Variants in NOS1AP observed in about 807,000 individuals in gnomAD.
NOS1AP encodes nitric oxide synthase 1 adaptor protein.
Under a neutral mutation model 56.2 loss-of-function variants are expected in NOS1AP, and 21 were observed. The ratio of observed to expected loss-of-function variants is 0.37; its 90% confidence interval spans 0.26 to 0.54. The LOEUF is 0.54. NOS1AP is among the 20% of genes least tolerant of loss of function. The pLI, the probability that NOS1AP is intolerant of heterozygous loss-of-function variation, is 0.84. For synonymous variants in NOS1AP, 270 were observed against 274.6 expected (o/e 0.98, Z 0.17); for missense variants, 522 against 657.8 (o/e 0.79, Z 2.26).
intron 1 of NOS1AP, among the ~76,000 whole-genome samples, chr1:162,131,728 G>A (rs1648757156): frequency 6.6e-6 from 1 of 152,014 alleles, no homozygotes; most frequent in Admixed American, 6.5e-5. Flanking sequence ...AGTGTTATAA[G>A]GCGGCATTTT....
intron 1 of NOS1AP, among the ~76,000 whole-genome samples, chr1:162,138,625 G>T (rs114043050): frequency 0.012 from 1,761 of 152,226 alleles, 36 homozygotes; most frequent in African/African-American, 0.04. Flanking sequence ...TGTCTGCCTG[G>T]GGGCCATCCA....
At chr1:162,257,016 C>A (rs1422883155) in intron 2 of NOS1AP, among the ~76,000 whole-genome samples, 1 of 152,152 alleles carries the variant, frequency 6.6e-6, no homozygotes, top group Non-Finnish European at 1.5e-5. Context: ...TTGTTCAGGC[C>A]TTTCCCAAGA....
At chr1:162,355,961 A>C (rs574195739) in intron 7 of NOS1AP, among the ~76,000 whole-genome samples, 1 of 152,352 alleles carries the variant, frequency 6.6e-6, no homozygotes, top group Non-Finnish European at 1.5e-5. Context: ...ACCTGAAGCC[A>C]AAGCTAATTA....
At chr1:162,321,725 A>ATAT (rs1553205779) in intron 4 of NOS1AP, among the ~76,000 whole-genome samples, 1 of 128,318 alleles carries the variant, frequency 7.8e-6, no homozygotes, top group Non-Finnish European at 1.6e-5. Flanking sequence ...TAATTAAAAA[A>ATAT]AAAAAAATAT....
rs185451181 is a variant in NOS1AP, at chr1:162,322,691, C to G, written c.345-10326C>G. Among the ~76,000 whole-genome samples the G allele has an allele frequency of 2.0e-3, 302 of 152,260 alleles. 1 individual carries two copies. Among genetic ancestry groups the G allele is most frequent in the African/African-American group, 7.0e-3 (289 of 41,538 alleles). Reference sequence around the variant, plus strand: ...AATCCAGCACCTCTTACCCACGTGTCCCCTGAAAATCTTACCAACATGAGA... The same window carrying G: ...AATCCAGCACCTCTTACCCACGTGTGCCCTGAAAATCTTACCAACATGAGA... On this transcript the variant is annotated intron_variant, in intron 4 of 9. Coordinates refer to ENST00000361897, the MANE Select transcript of NOS1AP (RefSeq NM_014697.3).
At chr1:162,174,001 T>C (rs1327638923) in intron 2 of NOS1AP, among the ~76,000 whole-genome samples, 20 of 152,130 alleles carry the variant, frequency 1.3e-4, no homozygotes, top group African/African-American at 2.4e-4. Context: ...ATCAGTGTGG[T>C]GATTCCTCAG....
chr1:162,173,956 T>C (rs1304201748), intron 2 of NOS1AP, among the ~76,000 whole-genome samples: 1 of 152,210 alleles, frequency 6.6e-6, no homozygotes, highest in African/African-American at 2.4e-5. Context: ...TTTACACTGT[T>C]GGTGGGACTG....
intron 2 of NOS1AP, among the ~76,000 whole-genome samples, chr1:162,173,271 T>C (rs1406511478): frequency 6.6e-6 from 1 of 152,124 alleles, no homozygotes; most frequent in African/African-American, 2.4e-5. Flanking sequence ...GCTGGAAATA[T>C]AGGTGTGAGC....
intron 2 of NOS1AP, among the ~76,000 whole-genome samples, chr1:162,155,312 A>ATGTG: frequency 1.4e-5 from 2 of 146,078 alleles, no homozygotes; most frequent in African/African-American, 5.0e-5. Context: ...ATGTATGTGT[A>ATGTG]TATATATATG....
intron 2 of NOS1AP, among the ~76,000 whole-genome samples, chr1:162,193,838 G>C (rs1208845890): frequency 1.3e-5 from 2 of 152,156 alleles, no homozygotes; most frequent in East Asian, 1.9e-4. Flanking sequence ...AGGTTCTGCT[G>C]CTCTCTTTTC....
rs192029860 is a variant in NOS1AP at position 162,355,216 on chromosome 1, T to C, written c.625T>C (p.Ser209Pro). The change falls in exon 7 of 10, where the codon TCC becomes CCC. Residue 209 changes from serine to proline, a missense_variant. Ser to Pro is a moderately conservative substitution (Grantham distance 74, BLOSUM62 -1). Transcript: ENST00000361897. Reference sequence around the variant, plus strand: ...CCAGCTCACTGGAGCCGAGAGGGCCTCCACGGCCACTGCAGAGGAGACTGA... The same window carrying C: ...CCAGCTCACTGGAGCCGAGAGGGCCCCCACGGCCACTGCAGAGGAGACTGA... ...GRQLTGAERASTATAEETDID... is the reference protein window; with the variant it reads ...GRQLTGAERAPTATAEETDID... The C allele has an allele frequency of 2.5e-6, 4 of 1,613,986 alleles. No homozygotes were observed. The South Asian group carries it at 4.4e-5, about 18-fold the overall frequency.
chr1:162,070,774 C>T (rs1691643615), intron 1 of NOS1AP, among the ~76,000 whole-genome samples: 1 of 152,008 alleles, frequency 6.6e-6, no homozygotes, highest in Non-Finnish European at 1.5e-5. Flanking sequence ...TCCAGGTAAC[C>T]GGGTCTAGGT....
intron 1 of NOS1AP, among the ~76,000 whole-genome samples, chr1:162,120,795 A>G (rs1232418668): frequency 6.6e-6 from 1 of 152,220 alleles, no homozygotes; most frequent in Non-Finnish European, 1.5e-5. Flanking sequence ...GCCAAACCAT[A>G]TCAGAATTCT....
At chr1:162,282,456 T>C (rs1279877748) in intron 2 of NOS1AP, among the ~76,000 whole-genome samples, 1 of 152,092 alleles carries the variant, frequency 6.6e-6, no homozygotes, top group Admixed American at 6.6e-5. Flanking sequence ...CATTCATCCA[T>C]TGATAGACAT....
At chr1:162,155,452 TATATAGAG>T (rs1233166362) in intron 2 of NOS1AP, among the ~76,000 whole-genome samples, 2 of 147,464 alleles carry the variant, frequency 1.4e-5, no homozygotes, top group Non-Finnish European at 3.0e-5. Flanking sequence ...TATATATATA[TATATAGAG>T]AGAGAGAGAG....
rs1329520720 is a variant in NOS1AP, at chr1:162,298,215, C to T, written c.271-2418C>T. Among the ~76,000 whole-genome samples the T allele has an allele frequency of 2.0e-5, 3 of 152,340 alleles. No individual in the cohort carries two copies. The East Asian group carries it at 5.8e-4, about 29-fold the overall frequency. ...CCAACACCCCCTCCAGGTGGTGCCA[C>T]AGAAGGCTGAGAAGGGTGCCAGGCT... On this transcript the variant is annotated intron_variant, in intron 3 of 9. Coordinates refer to ENST00000361897, the MANE Select transcript of NOS1AP (RefSeq NM_014697.3).
At chr1:162,344,853 AAG>A (rs1280857020) in intron 6 of NOS1AP, among the ~76,000 whole-genome samples, 1 of 152,240 alleles carries the variant, frequency 6.6e-6, no homozygotes, top group Non-Finnish European at 1.5e-5. Flanking sequence ...TAGAAATAAT[AAG>A]AGAATTCAGC....
chr1:162,179,186 A>T (rs1651169329), intron 2 of NOS1AP, among the ~76,000 whole-genome samples: 1 of 152,150 alleles, frequency 6.6e-6, no homozygotes, highest in Admixed American at 6.5e-5. Context: ...TATAGTCTTA[A>T]TCATATGTTA....
rs576420769 is a variant in NOS1AP, at chr1:162,289,017, G to A, written c.270+1581G>A. 5.7e-4 allele frequency among the ~76,000 whole-genome samples: 87 copies of A among 152,208 alleles called. 1 individual carries two copies. The highest frequency in any genetic ancestry group is 2.7e-3 in the South Asian group (13 of 4,816). On this transcript the variant is annotated intron_variant, in intron 3 of 9. Coordinates refer to ENST00000361897, the MANE Select transcript of NOS1AP (RefSeq NM_014697.3). ...AAGCCCTGGGCCTGTTAAAGAAATC[G>A]TGGATGATGACAATATGAATTTGAG...
Sources: gnomAD v4.1 joint callset for allele counts (sites outside exome capture counted in the v4.1 genomes callset) on GRCh38, gnomAD v4.1.1 for gene constraint, MANE v1.5 for transcripts, NCBI Gene and HGNC (gene_info 2026-07-23, HGNC 2026-07-21) for gene names.